ARHGEF18: variants seen among roughly 807,000 people sequenced by gnomAD.
ARHGEF18 encodes the protein Rho/Rac guanine nucleotide exchange factor 18.
Under a neutral mutation model 155.7 loss-of-function variants are expected in ARHGEF18, and 93 were observed. That is an observed-to-expected ratio of 0.60 (90% CI 0.50 to 0.71). The LOEUF is 0.71. Ranked by LOEUF, ARHGEF18 falls within the 30% of genes least tolerant of loss-of-function variation. ARHGEF18 has a pLI of 0.00. For synonymous variants in ARHGEF18, 742 were observed against 753.1 expected, an observed-to-expected ratio of 0.99 and a Z score of 0.24; for missense variants, 1,593 against 1,816.1, an observed-to-expected ratio of 0.88 and a Z score of 2.23.
At chr19:7,453,335 CA>C in intron 16 of ARHGEF18, 131 bp from the exon 17 acceptor site, 1 of 1,074,204 alleles carries the variant, frequency 9.3e-7, no homozygotes, top group Non-Finnish European at 1.3e-6. Flanking sequence ...GAACACACCT[CA>C]TAGATCCCAC....
chr19:7,386,612 A>G (rs549605617), intron 10 of ARHGEF18, among the ~76,000 whole-genome samples: 205 of 152,120 alleles, frequency 1.3e-3, no homozygotes, highest in Middle Eastern at 6.8e-3. Context: ...TCGTAGGTGG[A>G]AAGGTCCCAG....
At position 7,433,550 on chromosome 19, in the gene ARHGEF18, G is replaced by T. The variant is rs1007627819; in HGVS notation, c.968-6794G>T. The stretch of plus-strand genomic sequence containing the variant: ...AAAAAAAAGTGTATCAGGTTTTCTT[G>T]GACATCACTTTGAACAGGCTAGTAA... On this transcript the variant is annotated intron_variant, in intron 10 of 28. Coordinates refer to ENST00000668164, the MANE Select transcript of ARHGEF18 (RefSeq NM_001367823.1). Among the ~76,000 whole-genome samples the T allele has an allele frequency of 2.1e-5, 3 of 141,560 alleles. No homozygotes were observed. In the East Asian group the frequency reaches 6.5e-4, roughly 31 times the overall value. 92.9% of individuals were successfully genotyped at this position (141,560 alleles called of 152,430 possible).
chr19:7,474,538 CCG>C (rs1977173835), downstream of ARHGEF18, among the ~76,000 whole-genome samples: 1 of 151,774 alleles, frequency 6.6e-6, no homozygotes, highest in South Asian at 2.1e-4. Context: ...ACCATCATGC[CCG>C]GCTAATTTTT....
downstream of ARHGEF18, among the ~76,000 whole-genome samples, chr19:7,473,631 GA>G (rs1292502313): frequency 6.6e-6 from 1 of 151,996 alleles, no homozygotes; most frequent in Non-Finnish European, 1.5e-5. Context: ...CTAACAAGGT[GA>G]AACCCCGTCT....
intron 3 of ARHGEF18, among the ~76,000 whole-genome samples, chr19:7,373,713 A>G (rs187575567): frequency 4.0e-5 from 6 of 151,590 alleles, no homozygotes; most frequent in Non-Finnish European, 8.8e-5. Flanking sequence ...TGACTTCATG[A>G]TCTGCCTGCC....
chr19:7,442,813 A>G (rs1974749032), intron 13 of ARHGEF18, among the ~76,000 whole-genome samples: 1 of 152,222 alleles, frequency 6.6e-6, no homozygotes, highest in Admixed American at 6.5e-5. Flanking sequence ...CTTAGTGTCC[A>G]TGAAGGCCCC....
At chr19:7,447,300 C>T in intron 15 of ARHGEF18, 132 bp downstream of exon 15, 2 of 771,396 alleles carry the variant, frequency 2.6e-6, no homozygotes, top group Non-Finnish European at 3.8e-6. Flanking sequence ...ACCGTCCTGG[C>T]CAACATGGTG....
At position 7,398,702 on chromosome 19, in the gene ARHGEF18, A is replaced by AT. The variant is rs1568298000; in HGVS notation, c.967+15499_967+15500insT. On this transcript the variant is annotated intron_variant, in intron 10 of 28. Transcript: ENST00000668164. ...CTAGACTCTGTCTCAAAAAAAAAAA[A>AT]AAAAATAAAGAAAGAAAGAAAAGAG... 3.2e-3 allele frequency among the ~76,000 whole-genome samples: 491 copies of AT among 151,224 alleles called. 13 individuals are homozygous for AT. In the East Asian group the frequency reaches 0.062, roughly 19 times the overall value.
chr19:7,474,565 A>T (rs1401465628), downstream of ARHGEF18, among the ~76,000 whole-genome samples: 1 of 151,678 alleles, frequency 6.6e-6, no homozygotes, highest in African/African-American at 2.4e-5. Flanking sequence ...TTTTGTAGAG[A>T]TGGGGTTTCA....
intron 10 of ARHGEF18, among the ~76,000 whole-genome samples, chr19:7,403,191 C>T (rs928933516): frequency 6.6e-6 from 1 of 152,116 alleles, no homozygotes; most frequent in African/African-American, 2.4e-5. Flanking sequence ...ATCCGCCCGC[C>T]TTGGCCTCCC....
intron 10 of ARHGEF18, among the ~76,000 whole-genome samples, chr19:7,428,288 G>A (rs1973768213): frequency 6.6e-6 from 1 of 152,138 alleles, no homozygotes; most frequent in Non-Finnish European, 1.5e-5. Context: ...CCTTGGCTTT[G>A]CGAGGTAGTT....
intron 2 of ARHGEF18, among the ~76,000 whole-genome samples, chr19:7,368,011 G>GGAAGGAAGGAAGGAAGGAAGGA (rs1568270687): frequency 2.2e-5 from 2 of 89,124 alleles, no homozygotes; most frequent in African/African-American, 3.8e-5. Flanking sequence ...GGGAGGGAGG[G>GGAAGGAAGGAAGGAAGGAAGGA]AGGGAGGGCG....
chr19:7,390,525 GAAAA>G (rs1288159415), intron 10 of ARHGEF18: 2 of 108,814 alleles, frequency 1.8e-5, no homozygotes, highest in East Asian at 5.0e-4. Context: ...AAAAAAAAAA[GAAAA>G]AAGAAAAGAA....
chr19:7,367,836 TATA>T (rs1969976394), intron 2 of ARHGEF18, among the ~76,000 whole-genome samples: 8 of 111,806 alleles, frequency 7.2e-5, no homozygotes, highest in Admixed American at 3.9e-4. Flanking sequence ...TACACATATA[TATA>T]TTTTATATAT....
rs1379076439 is a variant in ARHGEF18 at position 7,385,819 on chromosome 19, ATCTATCTCTCTCTATCTC to A, written c.967+2620_967+2637del. 4.3e-4 allele frequency among the ~76,000 whole-genome samples: 38 copies of A among 89,326 alleles called. 5 individuals are homozygous for A. Among genetic ancestry groups the A allele is most frequent in the African/African-American group, 1.8e-3 (28 of 15,482 alleles). 58.6% of individuals were successfully genotyped at this position (89,326 alleles called of 152,430 possible). On this transcript the variant is annotated intron_variant, in intron 10 of 28. Coordinates refer to ENST00000668164, the MANE Select transcript of ARHGEF18 (RefSeq NM_001367823.1). ...TCAAAATTTCTATTTTAGAGATAGG[ATCTATCTCTCTCTATCTC>A]TCTCTCTCTCTCTCTCTCTCTCTCT... is the stretch of plus-strand genomic sequence containing the variant.
At chr19:7,433,507 CAAAAAAAAAAAAA>C (rs35825715) in intron 10 of ARHGEF18, among the ~76,000 whole-genome samples, 1,330 of 58,450 alleles carry the variant, frequency 0.023, 39 homozygotes, top group Middle Eastern at 0.054. Context: ...ACTCCGTCTC[CAAAAAAAAAAAAA>C]AAAAAAAAAA....
intron 18 of ARHGEF18, 67 bp downstream of exon 18, chr19:7,456,470 A>C (rs1452683863): frequency 3.4e-6 from 5 of 1,467,594 alleles, no homozygotes; most frequent in Non-Finnish European, 4.8e-6. Context: ...TAATCCCAGC[A>C]CTTTGGGAGG....
intron 10 of ARHGEF18, among the ~76,000 whole-genome samples, chr19:7,397,727 C>T (rs2083510786): frequency 6.7e-6 from 1 of 149,190 alleles, no homozygotes; most frequent in South Asian, 2.1e-4. Context: ...AACGAGATTC[C>T]ATCTCAAAAA....
rs1568270464 is a variant in ARHGEF18, at chr19:7,367,898, T to TA, written c.16-4914_16-4913insA. Among the ~76,000 whole-genome samples the TA allele has an allele frequency of 2.9e-3, 174 of 59,588 alleles. 23 individuals carry two copies. The highest frequency in any genetic ancestry group is 3.8e-3 in the Non-Finnish European group (122 of 32,416). The allele number at this position is 59,588 out of a possible 152,430, so 39.1% of individuals were successfully genotyped here. ...TATATATATATTTTATATATATTTT[T>TA]TATATATATATATTTTATATATATA... On this transcript the variant is annotated intron_variant, in intron 2 of 28. Coordinates refer to ENST00000668164, the MANE Select transcript of ARHGEF18 (RefSeq NM_001367823.1).
Sources: allele counts gnomAD v4.1 joint callset (sites outside exome capture counted in the v4.1 genomes callset), GRCh38; gene constraint gnomAD v4.1.1; transcripts MANE v1.5; gene names NCBI Gene and HGNC (gene_info 2026-07-23, HGNC 2026-07-21).